KAT2A: variants seen among roughly 807,000 people sequenced by gnomAD.
KAT2A encodes lysine acetyltransferase 2A.
A neutral mutation model predicts 95.2 loss-of-function variants in KAT2A; 42 were observed. The observed-to-expected ratio is 0.44, with a 90% confidence interval of 0.34 to 0.57. The LOEUF (loss-of-function observed/expected upper bound fraction) is 0.57, where lower values mean the gene tolerates loss of function less well. Among genes scored for constraint, KAT2A ranks in the 20% least tolerant of loss-of-function variants. KAT2A has a pLI of 0.01. For synonymous variants in KAT2A, 449 were observed against 448.2 expected (o/e 1.00, Z -0.02); for missense variants, 784 against 1,126.3 (o/e 0.70, Z 4.35).
intron 17 of KAT2A, 54 bp downstream of exon 17, chr17:42,113,946 G>A: frequency 6.7e-7 from 1 of 1,483,426 alleles, no homozygotes; most frequent in Non-Finnish European, 9.0e-7. Flanking sequence ...GTGAGGGCAG[G>A]AGCAGGTGTG....
In KAT2A at chr17:42,120,063, G is replaced by A. The variant is rs2054314047; in HGVS notation, c.666C>T (p.Gly222=). 10 of 1,613,914 alleles carry A rather than the reference G, an allele frequency of 6.2e-6. No individual in the cohort carries two copies. Among genetic ancestry groups the A allele is most frequent in the Admixed American group, 1.7e-5 (1 of 60,000 alleles). ...TATTAGGTTTCTCAAATGGAGGGCT[G>A]CCCAGGGACCCCTCCACCACAGGCC... is the stretch of plus-strand genomic sequence containing the variant. ...MTRPVVEGSL[G]SPPFEKPNIE... Residue 222 remains glycine, a synonymous_variant, in exon 4 of 18, where the codon GGC becomes GGT. Transcript: ENST00000225916.
At position 42,119,014 on chromosome 17, in the gene KAT2A, G is replaced by A. The variant is rs547131369; in HGVS notation, c.1073+231C>T. The A allele has an allele frequency of 8.1e-6, 11 of 1,356,894 alleles. No individual in the cohort carries two copies. The highest frequency in any genetic ancestry group is 5.8e-5 in the South Asian group (3 of 52,166). 84.1% of individuals were successfully genotyped at this position (1,356,894 alleles called of 1,614,324 possible). A position where few individuals can be genotyped will look rare whatever the true frequency, so the allele number is the denominator to read the frequency against. ...AACAATTAGTAACATCTACTGGGGC[G>A]TAGGGTCGGGTGGGGGCAGCGTTAG... On this transcript the variant is annotated intron_variant, in intron 6 of 17. Transcript: ENST00000225916. This position sits in a 1 kb window ranked among gnomAD's most constrained non-coding sequence, Gnocchi z 5.3.
At position 42,121,171 on chromosome 17, in the gene KAT2A, G is replaced by T. The variant is rs1555667297; in HGVS notation, c.134C>A (p.Ala45Glu). 23 of 1,412,172 alleles carry T rather than the reference G, an allele frequency of 1.6e-5. No homozygotes were observed. Among genetic ancestry groups the T allele is most frequent in the Non-Finnish European group, 2.0e-5 (21 of 1,064,532 alleles). 87.5% of individuals were successfully genotyped at this position (1,412,172 alleles called of 1,614,324 possible). ...GGCTGCAGCTGGGGCAGGGGCTGGT[G>T]CCGGGGTGGGAGTCGGAATCGGGGC... ...ASAPIPTPTPAPAPAPAAAPA... is the reference protein window; with the variant it reads ...ASAPIPTPTPEPAPAPAAAPA... Residue 45 changes from alanine (A) to glutamate (E), a missense_variant, in exon 1 of 18, where the codon GCA becomes GAA. Ala to Glu is a moderately radical substitution (Grantham distance 107). This residue lies in a region of KAT2A where 142 missense variants were observed against 123.2 expected (regional missense o/e 1.15). Transcript: ENST00000225916.
chr17:42,117,616 G>A lies in KAT2A; in HGVS notation c.1429-20C>T, dbSNP rs941043389. On this transcript the variant is annotated intron_variant, in intron 9 of 17. Transcript: ENST00000225916. This position sits in a 1 kb window ranked among gnomAD's most constrained non-coding sequence, Gnocchi z 8.9. ...GCTCGTCTGGGCACAGAAGAGGGGT[G>A]GTGAGCCGGGGTCTCAGGTTGGTGG... 3 of 1,607,812 alleles carry A rather than the reference G, an allele frequency of 1.9e-6. No homozygotes were observed. Among genetic ancestry groups the A allele is most frequent in the Non-Finnish European group, 1.7e-6 (2 of 1,176,174 alleles).
rs184652898 is a variant in KAT2A at position 42,118,403 on chromosome 17, T to C, written c.1074A>G (p.Lys358=). The C allele has an allele frequency of 6.3e-7, 1 of 1,599,834 alleles. No homozygotes were observed. The highest frequency in any genetic ancestry group is 2.2e-5 in the East Asian group (1 of 44,796). Residue 358 remains lysine (K), a splice_region_variant and synonymous_variant, in exon 7 of 18, where the codon AAA becomes AAG. Transcript: ENST00000225916. The part of the protein sequence containing the change: ...KRTLILTHFP[K]FLSMLEEEIY... ...TCTCCTCCTCCAGCATGGACAGGAATCTGTAGGGAGGACACAGTCTGTCCC... is the reference window on the plus strand; with the variant it reads ...TCTCCTCCTCCAGCATGGACAGGAACCTGTAGGGAGGACACAGTCTGTCCC...
Position 42,120,068 on chromosome 17 carries a change from G to A in KAT2A, c.661C>T (p.Leu221=). 6.2e-7 allele frequency: 1 copy of A among 1,614,142 alleles called. No individual in the cohort carries two copies. The highest frequency in any genetic ancestry group is 8.5e-7 in the Non-Finnish European group (1 of 1,180,014). Residue 221 remains leucine (L), a synonymous_variant, in exon 4 of 18, where the codon CTG becomes TTG. Coordinates refer to ENST00000225916, the MANE Select transcript of KAT2A (RefSeq NM_021078.3). Reference sequence around the variant, plus strand: ...GGTTTCTCAAATGGAGGGCTGCCCAGGGACCCCTCCACCACAGGCCGGGTC... The same window carrying A: ...GGTTTCTCAAATGGAGGGCTGCCCAAGGACCCCTCCACCACAGGCCGGGTC... The part of the protein sequence containing the change: ...QMTRPVVEGS[L]GSPPFEKPNI...
chr17:42,117,802 G>A lies in KAT2A; in HGVS notation c.1304C>T (p.Thr435Met), dbSNP rs998185441. 15 of 1,613,788 alleles carry A rather than the reference G, an allele frequency of 9.3e-6. No individual in the cohort carries two copies. The highest frequency in any genetic ancestry group is 3.3e-4 in the Middle Eastern group (2 of 6,082). ...CTCCAGGGTCAGGTTCTCTGGGAGC[G>A]TCCTCTTCTCGCCTATTGGGGAGGC... is the stretch of plus-strand genomic sequence containing the variant. Reference protein sequence around the residue: ...GAEPMPGEKRTLPENLTLEDA... With the variant: ...GAEPMPGEKRMLPENLTLEDA... The change falls in exon 9 of 18, where the codon ACG (threonine) becomes ATG (methionine). Residue 435 changes from threonine to methionine, a missense_variant. Physicochemically the swap from Thr to Met is moderately conservative, Grantham distance 81 (BLOSUM62 -1). This residue lies in a region of KAT2A where 174 missense variants were observed against 324.9 expected (regional missense o/e 0.54). Transcript: ENST00000225916. This position sits in a 1 kb window ranked among gnomAD's most constrained non-coding sequence, Gnocchi z 8.9.
chr17:42,119,792 A>G lies in KAT2A; in HGVS notation c.700-74T>C. 1 of 1,311,094 alleles carries G rather than the reference A, an allele frequency of 7.6e-7. No homozygotes were observed. Among genetic ancestry groups the G allele is most frequent in the South Asian group, 1.4e-5 (1 of 70,190 alleles). The allele number at this position is 1,311,094 out of a possible 1,614,324, so 81.2% of individuals were successfully genotyped here. A position where few individuals can be genotyped will look rare whatever the true frequency, so the allele number is the denominator to read the frequency against. On this transcript the variant is annotated intron_variant, in intron 4 of 17. Coordinates refer to ENST00000225916, the MANE Select transcript of KAT2A (RefSeq NM_021078.3). This position sits in a 1 kb window ranked among gnomAD's most constrained non-coding sequence, Gnocchi z 5.3. ...CCCGCAGGGCCTTCTTAGACAAAGG[A>G]AGATGCTCCCTGGCCAGGGACAAGG...
At chr17:42,118,728 G>A (rs2054296368) in intron 6 of KAT2A, among the ~76,000 whole-genome samples, 1 of 152,186 alleles carries the variant, frequency 6.6e-6, no homozygotes, top group Non-Finnish European at 1.5e-5. Context: ...GTATCAAAAT[G>A]GGCTCAGACT....
At position 42,114,055 on chromosome 17, in the gene KAT2A, C is replaced by A; in HGVS notation, c.2265G>T (p.Glu755Asp). ...KSHPSAWPFMEPVKKSEAPDY... is the reference protein window; with the variant it reads ...KSHPSAWPFMDPVKKSEAPDY... ...CAGGGGCCTCCGACTTCTTCACAGG[C>A]TCCATGAAGGGCCAGGCACTGGGGT... is the stretch of plus-strand genomic sequence containing the variant. The change falls in exon 17 of 18, where the codon GAG becomes GAT. Residue 755 changes from glutamate (E) to aspartate (D), a missense_variant. Physicochemically the swap from Glu to Asp is conservative, Grantham distance 45. This residue lies in a region of KAT2A where 195 missense variants were observed against 247.1 expected (regional missense o/e 0.79). Transcript: ENST00000225916. The surrounding 1 kb of genome is among the most constrained non-coding windows in gnomAD (Gnocchi z 6.0). 1.3e-6 allele frequency: 2 copies of A among 1,529,176 alleles called. No homozygotes were observed. The highest frequency in any genetic ancestry group is 1.7e-6 in the Non-Finnish European group (2 of 1,143,980). The allele number at this position is 1,529,176 out of a possible 1,614,324, so 94.7% of individuals were successfully genotyped here.
chr17:42,118,460 C>G, intron 6 of KAT2A, 57 bp from the exon 7 acceptor site: 2 of 1,269,544 alleles, frequency 1.6e-6, no homozygotes, highest in African/African-American at 1.5e-5. Context: ...CAGCCTGGGC[C>G]AGGCAGCAGA....
chr17:42,113,748 G>A lies in KAT2A; in HGVS notation c.2415C>T (p.Arg805=), dbSNP rs200570403. The change falls in exon 18 of 18, where the codon CGC becomes CGT. Residue 805 remains arginine (R), a synonymous_variant. Transcript: ENST00000225916. Reference sequence around the variant, plus strand: ...ACTCGCTGTCCGGGGGGTTGTACTCGCGACAGTTGGCGATGACCCGCTGCA... The same window carrying A: ...ACTCGCTGTCCGGGGGGTTGTACTCACGACAGTTGGCGATGACCCGCTGCA... The part of the protein sequence containing the change: ...ADLQRVIANC[R]EYNPPDSEYC... 4.3e-5 allele frequency: 69 copies of A among 1,610,320 alleles called. No homozygotes were observed. Among genetic ancestry groups the A allele is most frequent in the East Asian group, 1.1e-4 (5 of 44,774 alleles).
intron 6 of KAT2A, among the ~76,000 whole-genome samples, chr17:42,118,684 C>T (rs532005193): frequency 8.1e-4 from 123 of 152,330 alleles, no homozygotes; most frequent in Non-Finnish European, 1.0e-3. Flanking sequence ...CCAGGCAGGG[C>T]ACCTTGTCAC....
chr17:42,120,447 G>A (rs2054320138), intron 2 of KAT2A, 77 bp from the exon 3 acceptor site: 3 of 1,473,400 alleles, frequency 2.0e-6, no homozygotes, highest in Non-Finnish European at 1.9e-6. Context: ...TCACAGCCAA[G>A]CAAGATACAC....
rs2054308581 is a variant in KAT2A at position 42,119,683 on chromosome 17, G to GT, written c.734dup (p.His245GlnfsTer22). On this transcript the variant is annotated frameshift_variant, in exon 5 of 18. Coordinates refer to ENST00000225916, the MANE Select transcript of KAT2A (RefSeq NM_021078.3). LOFTEE classifies it high-confidence loss of function. This position sits in a 1 kb window ranked among gnomAD's most constrained non-coding sequence, Gnocchi z 5.3. ...TCGTCTGCCGCTCCCGGGGAGCCAG[G>GT]TGACTAAACTTGTACTGCACAAAGT... is the stretch of plus-strand genomic sequence containing the variant. 3 of 1,612,370 alleles carry GT rather than the reference G, an allele frequency of 1.9e-6. No homozygotes were observed. The highest frequency in any genetic ancestry group is 2.5e-6 in the Non-Finnish European group (3 of 1,179,158).
rs1192831764 is a variant in KAT2A, at chr17:42,115,924, G to C, written c.1765-91C>G. ...AGACCAGAGAAGAGCGGGTAGATTG[G>C]AAAGGAGGTAGAGAGAGCGAGAGCA... is the stretch of plus-strand genomic sequence containing the variant. On this transcript the variant is annotated intron_variant, in intron 11 of 17. Transcript: ENST00000225916. The C allele has an allele frequency of 3.8e-6, 3 of 797,246 alleles. No homozygotes were observed. In the African/African-American group the frequency reaches 5.1e-5, roughly 13 times the overall value. 49.4% of individuals were successfully genotyped at this position (797,246 alleles called of 1,614,324 possible). A position where few individuals can be genotyped will look rare whatever the true frequency, so the allele number is the denominator to read the frequency against.
chr17:42,117,203 T>C lies in KAT2A; in HGVS notation c.1638-42A>G. On this transcript the variant is annotated intron_variant, in intron 10 of 17. Coordinates refer to ENST00000225916, the MANE Select transcript of KAT2A (RefSeq NM_021078.3). This position sits in a 1 kb window ranked among gnomAD's most constrained non-coding sequence, Gnocchi z 8.9. ...CATGTCATAGCCCCTGACTGTCCCC[T>C]TCAGGTCCCCAGAGCCCTGGAAGTC... 6.2e-7 allele frequency: 1 copy of C among 1,610,910 alleles called. No individual in the cohort carries two copies. Among genetic ancestry groups the C allele is most frequent in the Non-Finnish European group, 8.5e-7 (1 of 1,178,608 alleles).
rs1263610808 is a variant in KAT2A, at chr17:42,119,471, G to A, written c.882-35C>T. 3 of 1,591,224 alleles carry A rather than the reference G, an allele frequency of 1.9e-6. No homozygotes were observed. The highest frequency in any genetic ancestry group is 4.5e-5 in the East Asian group (2 of 44,562). ...GGGGTCGAGGGGGAGACAGGTGAGG[G>A]CGGAAACCACTGAACCCAGGCTGGG... On this transcript the variant is annotated intron_variant, in intron 5 of 17. Coordinates refer to ENST00000225916, the MANE Select transcript of KAT2A (RefSeq NM_021078.3). The surrounding 1 kb of genome is among the most constrained non-coding windows in gnomAD (Gnocchi z 5.3).
At chr17:42,113,965 A>G (rs1555665332) in intron 17 of KAT2A, 35 bp downstream of exon 17, 7 of 1,493,552 alleles carry the variant, frequency 4.7e-6, no homozygotes, top group Admixed American at 2.7e-5. Context: ...TGGGGACAGA[A>G]GAGGAGGGAA....
Sources: gnomAD v4.1 joint callset for allele counts (sites outside exome capture counted in the v4.1 genomes callset) on GRCh38, gnomAD v4.1.1 for gene constraint, gnomAD v4.1.1 regional missense constraint, Gnocchi (gnomAD v3.1) non-coding constraint, MANE v1.5 for transcripts, NCBI Gene and HGNC (gene_info 2026-07-23, HGNC 2026-07-21) for gene names.